PKHD1: variants seen among roughly 807,000 people sequenced by gnomAD.
The protein encoded by PKHD1 is fibrocystin.
In PKHD1, 291 loss-of-function variants were observed where a neutral mutation model predicts 412.0. The observed-to-expected ratio is 0.71, with a 90% CI of 0.64 to 0.78. The LOEUF (loss-of-function observed/expected upper bound fraction) is 0.78, where lower values mean the gene tolerates loss of function less well. Ranked by LOEUF, PKHD1 falls within the 30% of genes least tolerant of loss-of-function variation. The pLI is 0.00. For synonymous variants in PKHD1, 1,777 were observed against 1,821.5 expected (o/e 0.98, Z 0.62); for missense variants, 4,825 against 4,950.7 (o/e 0.97, Z 0.76).
chr6:51,908,809 A>G (rs1449256666), intron 40 of PKHD1, among the ~76,000 whole-genome samples: 2 of 152,068 alleles, frequency 1.3e-5, no homozygotes, highest in African/African-American at 4.8e-5. Context: ...TCCCCAGGCA[A>G]AAGATTCCTC....
rs536990736 is a variant in PKHD1, at chr6:52,082,693, A to G, written c.131-151T>C. On this transcript the variant is annotated intron_variant, in intron 3 of 66. Transcript: ENST00000371117. ...CCTCATTTCCTCATAGATGCTGTAT[A>G]AAGGAGTTTTCTCATTTATGATTTT... 1.7e-4 allele frequency: 125 copies of G among 741,938 alleles called. No homozygotes were observed. The African/African-American group carries it at 2.1e-3, about 12-fold the overall frequency. 46.0% of individuals were successfully genotyped at this position (741,938 alleles called of 1,614,324 possible). A position where few individuals can be genotyped will look rare whatever the true frequency, so the allele number is the denominator to read the frequency against.
chr6:51,933,383 G>C (rs1786956021), intron 37 of PKHD1, among the ~76,000 whole-genome samples: 1 of 152,196 alleles, frequency 6.6e-6, no homozygotes, highest in South Asian at 2.1e-4. Context: ...ATTAAACCCT[G>C]CTCATGGGGT....
intron 46 of PKHD1, among the ~76,000 whole-genome samples, chr6:51,873,302 A>T (rs1358311429): frequency 6.6e-6 from 1 of 152,192 alleles, no homozygotes; most frequent in African/African-American, 2.4e-5. Context: ...ATTTAGACCA[A>T]CTTAAAAAAC....
chr6:51,638,333 A>G (rs966795596), intron 64 of PKHD1, among the ~76,000 whole-genome samples: 3 of 152,152 alleles, frequency 2.0e-5, no homozygotes, highest in African/African-American at 7.2e-5. Flanking sequence ...TTTTCATGAG[A>G]GTCACATTTA....
At position 51,695,195 on chromosome 6, in the gene PKHD1, T is replaced by C. The variant is rs575893145; in HGVS notation, c.10157-35226A>G. Reference sequence around the variant, plus strand: ...ACTTCTTAAAGTCTTTTCAATAAAATCCACAGTATAATCTCATTGAAAACA... The same window carrying C: ...ACTTCTTAAAGTCTTTTCAATAAAACCCACAGTATAATCTCATTGAAAACA... On this transcript the variant is annotated intron_variant, in intron 60 of 66. Coordinates refer to ENST00000371117, the MANE Select transcript of PKHD1 (RefSeq NM_138694.4). Among the ~76,000 whole-genome samples, 4 of 152,252 alleles carry C rather than the reference T, an allele frequency of 2.6e-5. No individual in the cohort carries two copies. In the East Asian group the frequency reaches 7.7e-4, roughly 29 times the overall value.
Position 51,659,514 on chromosome 6 carries a change from T to A in PKHD1, c.10612A>T (p.Ile3538Phe). 1 of 1,613,662 alleles carries A rather than the reference T, an allele frequency of 6.2e-7. No homozygotes were observed. The highest frequency in any genetic ancestry group is 1.1e-5 in the South Asian group (1 of 91,082). Residue 3538 changes from isoleucine (I) to phenylalanine (F), a missense_variant, in exon 61 of 67, where the codon ATC becomes TTC. Physicochemically the swap from Ile to Phe is conservative, Grantham distance 21 (BLOSUM62 0). Coordinates refer to ENST00000371117, the MANE Select transcript of PKHD1 (RefSeq NM_138694.4). ...NESIGANYFNIMDNLLYVVLQ... is the reference protein window; with the variant it reads ...NESIGANYFNFMDNLLYVVLQ... ...ACAACATACAAGAGGTTATCCATGA[T>A]GTTGAAATAGTTGGCACCAATAGAT...
At chr6:51,713,807 G>A (rs1034746829) in intron 60 of PKHD1, among the ~76,000 whole-genome samples, 15 of 152,088 alleles carry the variant, frequency 9.9e-5, no homozygotes, top group African/African-American at 3.6e-4. Context: ...CTGTTAAAAT[G>A]AGCCATGATA....
intron 43 of PKHD1, among the ~76,000 whole-genome samples, chr6:51,891,363 T>C (rs1191963176): frequency 1.3e-5 from 2 of 152,100 alleles, no homozygotes. Flanking sequence ...CACCGCAACC[T>C]CCACCTCCCG....
intron 64 of PKHD1, 26 bp downstream of exon 64, chr6:51,638,823 A>G (rs765096230): frequency 1.5e-6 from 2 of 1,348,512 alleles, no homozygotes; most frequent in South Asian, 2.4e-5. Context: ...AAAAACACAG[A>G]ATAAAAGCAC....
chr6:52,042,675 A>C (rs558811319), intron 27 of PKHD1, among the ~76,000 whole-genome samples, 184 bp downstream of exon 27: 1 of 152,334 alleles, frequency 6.6e-6, no homozygotes, highest in African/African-American at 2.4e-5. Flanking sequence ...ATAATCCTTT[A>C]TGTGGCAAGT....
intron 63 of PKHD1, among the ~76,000 whole-genome samples, chr6:51,644,028 A>G (rs572792837): frequency 1.1e-4 from 17 of 152,328 alleles, no homozygotes; most frequent in African/African-American, 3.8e-4. Context: ...TAATAAAACA[A>G]TAAGACGAAG....
intron 66 of PKHD1, among the ~76,000 whole-genome samples, chr6:51,624,261 T>C (rs539344643): frequency 2.1e-4 from 32 of 152,338 alleles, no homozygotes; most frequent in African/African-American, 7.5e-4. Flanking sequence ...TCCTGATTAT[T>C]TTTTGAAGTT....
In PKHD1 at chr6:51,636,786, T is replaced by G. The variant is rs551214172; in HGVS notation, c.11506+2063A>C. 1.1e-4 allele frequency among the ~76,000 whole-genome samples: 16 copies of G among 152,312 alleles called. No individual in the cohort carries two copies. In the East Asian group the frequency reaches 1.9e-3, roughly 18 times the overall value. Reference sequence around the variant, plus strand: ...TCTCTGGACGTGTACCGTTACTCAGTGTGATGTCAACAAGGGGTCACAGAA... The same window carrying G: ...TCTCTGGACGTGTACCGTTACTCAGGGTGATGTCAACAAGGGGTCACAGAA... On this transcript the variant is annotated intron_variant, in intron 64 of 66. Transcript: ENST00000371117.
chr6:51,971,875 C>G (rs933322904), intron 35 of PKHD1, among the ~76,000 whole-genome samples: 11 of 152,016 alleles, frequency 7.2e-5, no homozygotes, highest in African/African-American at 2.4e-4. Flanking sequence ...GGACTACAGG[C>G]ATGCACCACC....
intron 60 of PKHD1, among the ~76,000 whole-genome samples, chr6:51,673,309 G>A (rs1230523977): frequency 6.6e-6 from 1 of 152,172 alleles, no homozygotes; most frequent in Non-Finnish European, 1.5e-5. Flanking sequence ...CAACCACATG[G>A]GATGCCCCAC....
At chr6:52,059,779 C>T in intron 15 of PKHD1, 149 bp downstream of exon 15, 1 of 649,856 alleles carries the variant, frequency 1.5e-6, no homozygotes. Context: ...CACATTCAAA[C>T]AAGTTCTTTT....
intron 37 of PKHD1, among the ~76,000 whole-genome samples, chr6:51,933,601 C>T (rs1180414590): frequency 2.0e-5 from 3 of 152,220 alleles, no homozygotes; most frequent in East Asian, 1.9e-4. Flanking sequence ...TACATGAGAG[C>T]AGTAGGTCAG....
intron 23 of PKHD1, among the ~76,000 whole-genome samples, chr6:52,048,195 T>C (rs1422433664): frequency 1.3e-5 from 2 of 152,218 alleles, no homozygotes; most frequent in African/African-American, 4.8e-5. Flanking sequence ...CATTTTTTGC[T>C]GTTTGAAGCC....
intron 35 of PKHD1, among the ~76,000 whole-genome samples, chr6:51,983,802 A>C (rs1022560280): frequency 1.3e-5 from 2 of 152,212 alleles, no homozygotes; most frequent in South Asian, 4.1e-4. Flanking sequence ...CCAGCACTGC[A>C]CCACCCATGA....
Sources: gnomAD v4.1 joint callset for allele counts (sites outside exome capture counted in the v4.1 genomes callset) on GRCh38, gnomAD v4.1.1 for gene constraint, MANE v1.5 for transcripts, NCBI Gene and HGNC (gene_info 2026-07-23, HGNC 2026-07-21) for gene names.